Variants in PTPRK observed in about 807,000 individuals in gnomAD.
PTPRK encodes the protein receptor-type tyrosine-protein phosphatase kappa.
PTPRK carries 75 observed loss-of-function variants against 178.0 expected under a neutral mutation model. The ratio of observed to expected loss-of-function variants is 0.42; its 90% confidence interval spans 0.35 to 0.51. The LOEUF is 0.51. Ranked by LOEUF, PTPRK falls within the 20% of genes least tolerant of loss-of-function variation. The pLI is 0.02. For synonymous variants in PTPRK, 637 were observed against 620.6 expected (o/e 1.03, Z -0.39); for missense variants, 1,441 against 1,797.8 (o/e 0.80, Z 3.59).
intron 7 of PTPRK, among the ~76,000 whole-genome samples, chr6:128,163,723 G>A (rs764157945): frequency 7.3e-5 from 11 of 151,322 alleles, no homozygotes; most frequent in Non-Finnish European, 1.2e-4. Flanking sequence ...CTTTACCAAC[G>A]CATTTAATAG....
chr6:128,415,026 A>T (rs1842689125), intron 1 of PTPRK, among the ~76,000 whole-genome samples: 1 of 152,204 alleles, frequency 6.6e-6, no homozygotes, highest in Non-Finnish European at 1.5e-5. Context: ...GAAACATGTT[A>T]TCCGATTCCA....
chr6:128,311,619 G>A (rs1195445286), intron 3 of PTPRK, among the ~76,000 whole-genome samples: 1 of 151,934 alleles, frequency 6.6e-6, no homozygotes, highest in Non-Finnish European at 1.5e-5. Context: ...AACCTCAAGT[G>A]CCTTTTACTC....
intron 1 of PTPRK, among the ~76,000 whole-genome samples, chr6:128,496,796 ATGT>A (rs970759211): frequency 2.0e-5 from 3 of 152,196 alleles, no homozygotes; most frequent in East Asian, 1.9e-4. Context: ...TAAACTAATG[ATGT>A]TGTAATGTGA....
intron 3 of PTPRK, among the ~76,000 whole-genome samples, chr6:128,289,112 T>C (rs1161421070): frequency 1.3e-5 from 2 of 152,080 alleles, no homozygotes; most frequent in African/African-American, 2.4e-5. Flanking sequence ...AAATTAACAT[T>C]TCTAAGTTCT....
intron 2 of PTPRK, among the ~76,000 whole-genome samples, chr6:128,367,709 A>G (rs1366433964): frequency 6.6e-6 from 1 of 152,158 alleles, no homozygotes; most frequent in Non-Finnish European, 1.5e-5. Context: ...GATAGAGAGC[A>G]TTTCTCCTTC....
chr6:128,194,471 T>C (rs1804525242), intron 6 of PTPRK, among the ~76,000 whole-genome samples: 2 of 152,142 alleles, frequency 1.3e-5, no homozygotes, highest in East Asian at 3.9e-4. Flanking sequence ...ATGATGAAAG[T>C]TATGAATCCC....
intron 2 of PTPRK, among the ~76,000 whole-genome samples, chr6:128,350,846 A>C (rs1049799432): frequency 2.6e-5 from 4 of 152,186 alleles, no homozygotes; most frequent in African/African-American, 9.7e-5. Context: ...ACTCCTTTAG[A>C]GCCACTAAAT....
chr6:128,500,646 T>C (rs1169532441), intron 1 of PTPRK: 4 of 152,192 alleles, frequency 2.6e-5, no homozygotes, highest in South Asian at 2.1e-4. Context: ...ACCATTTAAG[T>C]ACAGGAAACA....
intron 6 of PTPRK, among the ~76,000 whole-genome samples, chr6:128,210,001 T>A (rs904361658): frequency 1.3e-5 from 2 of 152,090 alleles, no homozygotes; most frequent in African/African-American, 4.8e-5. Context: ...TATTCTGACT[T>A]ACTGTGTCAT....
At chr6:128,345,006 A>G (rs528183664) in intron 2 of PTPRK, among the ~76,000 whole-genome samples, 117 of 149,914 alleles carry the variant, frequency 7.8e-4, no homozygotes, top group African/African-American at 2.8e-3. Flanking sequence ...ATGGGGGGGG[A>G]AAGTAGGTCT....
chr6:128,338,521 C>A (rs1286689593), intron 2 of PTPRK, among the ~76,000 whole-genome samples: 3 of 152,116 alleles, frequency 2.0e-5, no homozygotes, highest in Non-Finnish European at 4.4e-5. Flanking sequence ...TCAGCAAAAA[C>A]AACCAGAAAA....
At chr6:128,314,424 G>C (rs1827717724) in intron 3 of PTPRK, among the ~76,000 whole-genome samples, 1 of 152,204 alleles carries the variant, frequency 6.6e-6, no homozygotes, top group African/African-American at 2.4e-5. Flanking sequence ...AAATAAGTCA[G>C]TACAGCAGTC....
chr6:128,373,390 C>A (rs770987961), intron 2 of PTPRK, among the ~76,000 whole-genome samples: 1 of 152,154 alleles, frequency 6.6e-6, no homozygotes, highest in Non-Finnish European at 1.5e-5. Context: ...ACACACAATG[C>A]CTTGGCTTCC....
At chr6:128,046,786 A>G (rs918327950) in intron 13 of PTPRK, among the ~76,000 whole-genome samples, 9 of 152,180 alleles carry the variant, frequency 5.9e-5, no homozygotes, top group African/African-American at 2.2e-4. Context: ...GAGTTGTTCA[A>G]GTTCACCAGT....
rs538525870 is a variant in PTPRK at position 128,084,688 on chromosome 6, T to G, written c.1466-864A>C. On this transcript the variant is annotated intron_variant, in intron 8 of 29. Coordinates refer to ENST00000368226, the MANE Select transcript of PTPRK (RefSeq NM_002844.4). Reference sequence around the variant, plus strand: ...ATTGACAAAATACCAGATAAAAAATTCTTTCGCTATCGTGTATTTTCCTTT... The same window carrying G: ...ATTGACAAAATACCAGATAAAAAATGCTTTCGCTATCGTGTATTTTCCTTT... Among the ~76,000 whole-genome samples, 16 of 152,330 alleles carry G rather than the reference T, an allele frequency of 1.1e-4. No individual in the cohort carries two copies. The South Asian group carries it at 3.1e-3, about 30-fold the overall frequency.
chr6:128,497,882 C>T (rs9491970), intron 1 of PTPRK, among the ~76,000 whole-genome samples: 10,586 of 151,612 alleles, frequency 0.07, 748 homozygotes, highest in African/African-American at 0.18. Context: ...AAAATCTGAA[C>T]TGTAGAACAT....
At chr6:128,247,183 T>C (rs1008730596) in intron 3 of PTPRK, among the ~76,000 whole-genome samples, 4 of 152,206 alleles carry the variant, frequency 2.6e-5, no homozygotes, top group African/African-American at 9.7e-5. Flanking sequence ...AAATGATTAA[T>C]TAATATATGC....
At chr6:128,495,748 C>T (rs1050599357) in intron 1 of PTPRK, among the ~76,000 whole-genome samples, 5 of 152,148 alleles carry the variant, frequency 3.3e-5, no homozygotes, top group Non-Finnish European at 5.9e-5. Context: ...AAGTCGTCAT[C>T]GTTAGTTATA....
chr6:128,408,807 C>G (rs1373498573), intron 1 of PTPRK, among the ~76,000 whole-genome samples: 1 of 152,142 alleles, frequency 6.6e-6, no homozygotes, highest in Non-Finnish European at 1.5e-5. Context: ...TTGAAGGGCA[C>G]TGAGAGCAAA....
Sources: gnomAD v4.1 joint callset for allele counts (sites outside exome capture counted in the v4.1 genomes callset) on GRCh38, gnomAD v4.1.1 for gene constraint, MANE v1.5 for transcripts, NCBI Gene and HGNC (gene_info 2026-07-23, HGNC 2026-07-21) for gene names.